DYNLT2B: variants seen among roughly 807,000 people sequenced by gnomAD.
DYNLT2B encodes dynein light chain Tctex-type protein 2B.
Under a neutral mutation model 19.5 loss-of-function variants are expected in DYNLT2B, and 14 were observed. The ratio of observed to expected loss-of-function variants is 0.72; its 90% CI spans 0.47 to 1.12. The LOEUF is 1.12. DYNLT2B is among the 50% of genes most tolerant of loss of function. The pLI is 0.00. For synonymous variants in DYNLT2B, 70 were observed against 59.7 expected (o/e 1.17, Z -0.79); for missense variants, 133 against 174.7 (o/e 0.76, Z 1.35).
chr3:196,306,474 A>C (rs1230270639), intron 3 of DYNLT2B, among the ~76,000 whole-genome samples: 1 of 152,084 alleles, frequency 6.6e-6, no homozygotes, highest in African/African-American at 2.4e-5. Flanking sequence ...ACATACATAT[A>C]TGAGGCATAT....
chr3:196,298,133 C>G (rs566918449), intron 3 of DYNLT2B: 13 of 352,900 alleles, frequency 3.7e-5, no homozygotes, highest in South Asian at 3.4e-4. Context: ...AGTTTTCAAC[C>G]AGATCCACTG....
Position 196,306,944 on chromosome 3 carries a change from A to G in DYNLT2B, c.316T>C (p.Phe106Leu), listed in dbSNP as rs1186938196. 5.6e-6 allele frequency: 9 copies of G among 1,613,462 alleles called. No individual in the cohort carries two copies. Among genetic ancestry groups the G allele is most frequent in the Admixed American group, 1.7e-5 (1 of 60,000 alleles). The change falls in exon 3 of 5, where the codon TTC becomes CTC. Residue 106 changes from phenylalanine (F) to leucine (L), a missense_variant and splice_region_variant. By Grantham distance (22) the Phe-to-Leu change is conservative. Transcript: ENST00000325318. Reference protein sequence around the residue: ...VIGEQRGEGVFMASRCFWDAD... With the variant: ...VIGEQRGEGVLMASRCFWDAD... ...AAGAAGGAAAATCCAGCTACTCACA[A>G]TACTCCTTCACCTCTTTGTTCTCCA... is the stretch of plus-strand genomic sequence containing the variant.
chr3:196,299,412 G>A (rs12634350), intron 3 of DYNLT2B, among the ~76,000 whole-genome samples: 34,129 of 151,556 alleles, frequency 0.23, 5,357 homozygotes, highest in East Asian at 0.76. Context: ...TGGTAGAGAC[G>A]GGGTTTCACC....
At position 196,292,963 on chromosome 3, in the gene DYNLT2B, C is replaced by T. The variant is rs558851403; in HGVS notation, c.382-1589G>A. On this transcript the variant is annotated intron_variant, in intron 4 of 4. Coordinates refer to ENST00000325318, the MANE Select transcript of DYNLT2B (RefSeq NM_152773.5). ...CCGCCCTCTGGGTTCAAGCAATTCT[C>T]CTGCCTCAGCCTCCCAAGTAGCTGG... Among the ~76,000 whole-genome samples, 13 of 152,332 alleles carry T rather than the reference C, an allele frequency of 8.5e-5. No homozygotes were observed. The South Asian group carries it at 2.1e-3, about 24-fold the overall frequency.
At chr3:196,315,266 CTT>C (rs34104361) in intron 2 of DYNLT2B, 7,670 of 365,008 alleles carry the variant, frequency 0.021, no homozygotes, top group East Asian at 0.081. Flanking sequence ...TTTTATTTTG[CTT>C]TTTTTTTTTT....
chr3:196,293,311 G>C (rs1200870680), intron 4 of DYNLT2B, among the ~76,000 whole-genome samples: 1 of 151,910 alleles, frequency 6.6e-6, no homozygotes, highest in Non-Finnish European at 1.5e-5. Flanking sequence ...TTTGTTGAAT[G>C]AATGAATTGT....
At chr3:196,313,750 G>GA (rs944476379) in intron 2 of DYNLT2B, among the ~76,000 whole-genome samples, 1 of 151,854 alleles carries the variant, frequency 6.6e-6, no homozygotes, top group Non-Finnish European at 1.5e-5. Flanking sequence ...AACAAATTCA[G>GA]AAAAAAACAA....
intron 3 of DYNLT2B, among the ~76,000 whole-genome samples, chr3:196,298,884 G>A (rs995891722): frequency 6.6e-6 from 1 of 152,044 alleles, no homozygotes; most frequent in African/African-American, 2.4e-5. Context: ...TAGGAGAGTT[G>A]GCAGTCTTTA....
intron 4 of DYNLT2B, among the ~76,000 whole-genome samples, chr3:196,295,086 T>A (rs1310185420): frequency 6.6e-6 from 1 of 152,120 alleles, no homozygotes; most frequent in East Asian, 1.9e-4. Flanking sequence ...CTACTCTAAC[T>A]CTGACTCTAT....
intron 2 of DYNLT2B, among the ~76,000 whole-genome samples, chr3:196,307,592 C>T (rs959390751): frequency 3.3e-5 from 5 of 151,788 alleles, no homozygotes; most frequent in African/African-American, 4.8e-5. Context: ...CGTGAGCCAC[C>T]GCGCCCGGTC....
In DYNLT2B at chr3:196,318,145, G is replaced by A; in HGVS notation, c.8C>T (p.Thr3Met). ...CACCGAGAAGGACACTCCGATGGAC[G>A]TGGCCATGCCGGGGCTTCTCGGTCC... MA[T>M]SIGVSFSVGD... is the part of the protein sequence containing the mutation. Residue 3 changes from threonine (T) to methionine (M), a missense_variant, in exon 1 of 5, where the codon ACG becomes ATG. Coordinates refer to ENST00000325318, the MANE Select transcript of DYNLT2B (RefSeq NM_152773.5). 2 of 1,531,256 alleles carry A rather than the reference G, an allele frequency of 1.3e-6. No homozygotes were observed. Among genetic ancestry groups the A allele is most frequent in the Non-Finnish European group, 1.7e-6 (2 of 1,145,964 alleles). The allele number at this position is 1,531,256 out of a possible 1,614,324, so 94.9% of individuals were successfully genotyped here. A position where few individuals can be genotyped will look rare whatever the true frequency, so the allele number is the denominator to read the frequency against.
At chr3:196,291,398 C>T (rs752503767) in intron 4 of DYNLT2B, 24 bp from the exon 5 acceptor site, 1 of 1,604,640 alleles carries the variant, frequency 6.2e-7, no homozygotes, top group South Asian at 1.1e-5. Context: ...ACAACACACA[C>T]ACACATCCAG....
chr3:196,318,086 C>G lies in DYNLT2B; in HGVS notation c.67G>C (p.Gly23Arg). The change falls in exon 1 of 5, where the codon GGG becomes CGG. Residue 23 changes from glycine (G) to arginine (R), a missense_variant. Transcript: ENST00000325318. The part of the protein sequence containing the change: ...DGVPEAEKNA[G>R]EPENTYILRP... ...AGAATATAGGTGTTCTCGGGCTCCC[C>G]TGCGTTCTTCTCAGCCTCAGGCACC... 6.4e-7 allele frequency: 1 copy of G among 1,567,298 alleles called. No homozygotes were observed. Among genetic ancestry groups the G allele is most frequent in the South Asian group, 1.2e-5 (1 of 85,456 alleles).
At position 196,318,198 on chromosome 3, in the gene DYNLT2B, G is replaced by A; in HGVS notation, c.-46C>T. 8.2e-7 allele frequency: 1 copy of A among 1,224,908 alleles called. No individual in the cohort carries two copies. The highest frequency in any genetic ancestry group is 1.1e-6 in the Non-Finnish European group (1 of 906,618). The allele number at this position is 1,224,908 out of a possible 1,614,324, so 75.9% of individuals were successfully genotyped here. A position where few individuals can be genotyped will look rare whatever the true frequency, so the allele number is the denominator to read the frequency against. ...GCGTAGCTCGCGATGAAGGCCTAGC[G>A]GGTTGCGGTCGCGGCCGGCAGCAGG... On this transcript the variant is annotated 5_prime_UTR_variant, in exon 1 of 5. Transcript: ENST00000325318.
chr3:196,318,216 G>T lies in DYNLT2B; in HGVS notation c.-64C>A. ...GCCTAGCGGGTTGCGGTCGCGGCCG[G>T]CAGCAGGGAAAGCGTCTCCAGGGCA... On this transcript the variant is annotated 5_prime_UTR_variant, in exon 1 of 5. Coordinates refer to ENST00000325318, the MANE Select transcript of DYNLT2B (RefSeq NM_152773.5). 1.0e-6 allele frequency: 1 copy of T among 983,178 alleles called. No individual in the cohort carries two copies. The highest frequency in any genetic ancestry group is 1.4e-6 in the Non-Finnish European group (1 of 706,386). The allele number at this position is 983,178 out of a possible 1,614,324, so 60.9% of individuals were successfully genotyped here. A position where few individuals can be genotyped will look rare whatever the true frequency, so the allele number is the denominator to read the frequency against.
At chr3:196,300,904 C>T (rs955729786) in intron 3 of DYNLT2B, among the ~76,000 whole-genome samples, 3 of 151,448 alleles carry the variant, frequency 2.0e-5, no homozygotes, top group Non-Finnish European at 2.9e-5. Context: ...CAAAAACATA[C>T]AAAAATTAGT....
intron 2 of DYNLT2B, among the ~76,000 whole-genome samples, chr3:196,315,858 G>C (rs1726775865): frequency 6.6e-6 from 1 of 152,072 alleles, no homozygotes; most frequent in Non-Finnish European, 1.5e-5. Context: ...GGCAACAAGA[G>C]TGAAACTCCA....
intron 3 of DYNLT2B, chr3:196,298,241 C>A (rs1187214911): frequency 9.0e-6 from 2 of 222,760 alleles, no homozygotes; most frequent in South Asian, 6.8e-5. Flanking sequence ...CAAGCACACA[C>A]CACAAGAGAG....
chr3:196,306,467 T>C (rs1279560834), intron 3 of DYNLT2B, among the ~76,000 whole-genome samples: 1 of 151,878 alleles, frequency 6.6e-6, no homozygotes, highest in Non-Finnish European at 1.5e-5. Context: ...AACACATACA[T>C]ACATATATGA....
Sources: gnomAD v4.1 joint callset for allele counts (sites outside exome capture counted in the v4.1 genomes callset) on GRCh38, gnomAD v4.1.1 for gene constraint, MANE v1.5 for transcripts, NCBI Gene and HGNC (gene_info 2026-07-23, HGNC 2026-07-21) for gene names.